The following RIMS1 variants were observed in gnomAD, a reference collection of about 807,000 sequenced individuals.
RIMS1 encodes regulating synaptic membrane exocytosis 1, also known as regulating synaptic membrane exocytosis protein 1.
In RIMS1, 83 loss-of-function variants were observed where a neutral mutation model predicts 214.1. That is an observed-to-expected ratio of 0.39 (90% CI 0.32 to 0.47). The LOEUF is 0.47. Among genes scored for constraint, RIMS1 ranks in the 20% least tolerant of loss-of-function variants. The pLI, the probability that RIMS1 is intolerant of heterozygous loss-of-function variation, is 0.99. For synonymous variants in RIMS1, 793 were observed against 786.8 expected (o/e 1.01, Z -0.13); for missense variants, 2,050 against 2,161.8 (o/e 0.95, Z 1.03).
chr6:72,210,062 C>T (rs1299072063), intron 6 of RIMS1, among the ~76,000 whole-genome samples: 2 of 152,156 alleles, frequency 1.3e-5, no homozygotes, highest in Non-Finnish European at 2.9e-5. Flanking sequence ...AGCTGAATCA[C>T]AGATATCCCA....
chr6:72,300,124 T>A (rs1173528832), intron 26 of RIMS1, among the ~76,000 whole-genome samples: 1 of 151,822 alleles, frequency 6.6e-6, no homozygotes, highest in African/African-American at 2.4e-5. Flanking sequence ...ATTGTAGCCT[T>A]CTCTTTAAAC....
intron 11 of RIMS1, among the ~76,000 whole-genome samples, chr6:72,247,572 T>C (rs2070760274): frequency 6.6e-6 from 1 of 150,500 alleles, no homozygotes; most frequent in Non-Finnish European, 1.5e-5. Flanking sequence ...ATAGATGGTA[T>C]ATCTGATTTT....
chr6:71,997,550 G>A (rs1803839261), intron 2 of RIMS1, among the ~76,000 whole-genome samples: 1 of 152,136 alleles, frequency 6.6e-6, no homozygotes, highest in Non-Finnish European at 1.5e-5. Flanking sequence ...AATTTAAATA[G>A]CACTTTGGGG....
intron 33 of RIMS1, among the ~76,000 whole-genome samples, chr6:72,399,816 A>G (rs1002841455): frequency 3.3e-5 from 5 of 152,190 alleles, no homozygotes; most frequent in Non-Finnish European, 7.3e-5. Context: ...CTGAAGTATT[A>G]GAAAATAGAA....
chr6:72,338,606 C>G, intron 29 of RIMS1, among the ~76,000 whole-genome samples: 1 of 151,974 alleles, frequency 6.6e-6, no homozygotes, highest in East Asian at 1.9e-4. Context: ...CTACAATGAA[C>G]TTAAACAAAT....
At chr6:72,115,574 C>G (rs1168700588) in intron 4 of RIMS1, among the ~76,000 whole-genome samples, 2 of 151,684 alleles carry the variant, frequency 1.3e-5, no homozygotes, top group Admixed American at 6.6e-5. Flanking sequence ...ATAAGTTACC[C>G]TATGTTTTTG....
intron 4 of RIMS1, among the ~76,000 whole-genome samples, chr6:72,169,356 G>T (rs184472864): frequency 3.3e-5 from 5 of 152,066 alleles, no homozygotes; most frequent in Admixed American, 3.3e-4. Flanking sequence ...AAAATATTTG[G>T]AAAACTTTAC....
Position 71,940,058 on chromosome 6 carries a change from A to G in RIMS1, c.165-28925A>G, listed in dbSNP as rs555035189. Among the ~76,000 whole-genome samples the G allele has an allele frequency of 2.0e-5, 3 of 152,314 alleles. No individual in the cohort carries two copies. In the East Asian group the frequency reaches 5.8e-4, roughly 29 times the overall value. On this transcript the variant is annotated intron_variant, in intron 1 of 33. Transcript: ENST00000521978. ...CTCACTGTGTTGCTATGAACATTAA[A>G]TAAGACCATTGTCATGAAGGATGGT...
intron 1 of RIMS1, among the ~76,000 whole-genome samples, chr6:71,916,338 T>C (rs1236051169): frequency 6.6e-6 from 1 of 152,136 alleles, no homozygotes; most frequent in African/African-American, 2.4e-5. Flanking sequence ...GATCATTTCA[T>C]TGATGAGAGT....
At chr6:71,941,135 T>G (rs1785992598) in intron 1 of RIMS1, among the ~76,000 whole-genome samples, 2 of 152,144 alleles carry the variant, frequency 1.3e-5, no homozygotes, top group African/African-American at 4.8e-5. Context: ...CCGGGCATAT[T>G]TAGTTCAGTA....
At chr6:72,210,855 A>G (rs1231100542) in intron 6 of RIMS1, among the ~76,000 whole-genome samples, 2 of 152,206 alleles carry the variant, frequency 1.3e-5, no homozygotes, top group Non-Finnish European at 2.9e-5. Context: ...TGCTTAGTAT[A>G]GTTGATACTC....
chr6:72,390,144 CTG>C (rs2098679192), intron 29 of RIMS1, among the ~76,000 whole-genome samples: 2 of 152,196 alleles, frequency 1.3e-5, no homozygotes, highest in South Asian at 2.1e-4. Context: ...GACAGTAAAA[CTG>C]TGGTATTTTT....
intron 26 of RIMS1, among the ~76,000 whole-genome samples, chr6:72,304,918 TC>T (rs1202115946): frequency 1.3e-4 from 20 of 151,784 alleles, no homozygotes; most frequent in Admixed American, 3.3e-4. Context: ...GTCAGGGGAG[TC>T]TACTCATCAT....
chr6:72,027,057 A>G (rs993988717), intron 2 of RIMS1, among the ~76,000 whole-genome samples: 3 of 152,224 alleles, frequency 2.0e-5, no homozygotes, highest in African/African-American at 7.2e-5. Context: ...GTGCATATAA[A>G]TATGAATGAT....
intron 22 of RIMS1, among the ~76,000 whole-genome samples, chr6:72,267,099 C>A (rs6940889): frequency 0.98 from 149,510 of 152,160 alleles, 73,504 homozygotes; most frequent in East Asian, 1. Context: ...CATTTGTAAA[C>A]TGTGTAATAG....
chr6:72,151,943 A>T (rs2043655010), intron 4 of RIMS1, among the ~76,000 whole-genome samples: 1 of 152,164 alleles, frequency 6.6e-6, no homozygotes, highest in South Asian at 2.1e-4. Flanking sequence ...CCAGTGTAGC[A>T]CATGGCCAGA....
intron 4 of RIMS1, among the ~76,000 whole-genome samples, chr6:72,119,825 C>T (rs1350276803): frequency 6.6e-6 from 1 of 151,508 alleles, no homozygotes; most frequent in Non-Finnish European, 1.5e-5. Flanking sequence ...CACAACAGGC[C>T]CCTGTGTGTG....
intron 2 of RIMS1, among the ~76,000 whole-genome samples, chr6:72,066,651 A>G: frequency 6.6e-6 from 1 of 152,214 alleles, no homozygotes; most frequent in East Asian, 1.9e-4. Context: ...TCTTAGAACA[A>G]TATGAGCATT....
At chr6:72,058,645 T>G (rs75718245) in intron 2 of RIMS1, among the ~76,000 whole-genome samples, 17,194 of 152,218 alleles carry the variant, frequency 0.11, 1,173 homozygotes, top group South Asian at 0.18. Flanking sequence ...TAGGTTCTGG[T>G]TCCTCCCCAA....
Sources: allele counts gnomAD v4.1 joint callset (sites outside exome capture counted in the v4.1 genomes callset), GRCh38; gene constraint gnomAD v4.1.1; transcripts MANE v1.5; gene names NCBI Gene and HGNC (gene_info 2026-07-23, HGNC 2026-07-21).